MDFIC2: variants seen among roughly 807,000 people sequenced by gnomAD.
MDFIC2 encodes the protein myoD family inhibitor domain-containing protein 2.
At chr3:70,225,686 T>C (rs1701497743) in intron 2 of MDFIC2, among the ~76,000 whole-genome samples, 1 of 152,212 alleles carries the variant, frequency 6.6e-6, no homozygotes, top group Non-Finnish European at 1.5e-5. Flanking sequence ...AGCAGTTTAG[T>C]GTTTCTTGAA....
chr3:70,212,916 C>T (rs187393669), intron 2 of MDFIC2, among the ~76,000 whole-genome samples: 10 of 152,158 alleles, frequency 6.6e-5, no homozygotes, highest in African/African-American at 2.2e-4. Flanking sequence ...ATCTCAGTCT[C>T]CTGAGTAGCA....
chr3:70,216,969 G>A (rs1411372170), intron 2 of MDFIC2, among the ~76,000 whole-genome samples: 1 of 152,140 alleles, frequency 6.6e-6, no homozygotes, highest in Non-Finnish European at 1.5e-5. Flanking sequence ...TGTCAATTGT[G>A]CCAAGATTCA....
rs1179556853 is a variant in MDFIC2, at chr3:70,226,631, G to A, written c.89-19841C>T. ...CGGGTGCCTGTAATCCCAGCTTCTC[G>A]GGAGGCTGAGGCAGGAGAATTGCTT... On this transcript the variant is annotated intron_variant, in intron 2 of 3. Coordinates refer to ENST00000567252, the MANE Select transcript of MDFIC2 (RefSeq NM_001364677.1). Among the ~76,000 whole-genome samples, 4 of 151,664 alleles carry A rather than the reference G, an allele frequency of 2.6e-5. No homozygotes were observed. The East Asian group carries it at 5.8e-4, about 22-fold the overall frequency.
At chr3:70,197,687 G>A (rs1051120964) in intron 3 of MDFIC2, among the ~76,000 whole-genome samples, 4 of 152,282 alleles carry the variant, frequency 2.6e-5, no homozygotes, top group Non-Finnish European at 2.9e-5. Flanking sequence ...CAGTGCAAGC[G>A]AAAAGCACAT....
In MDFIC2 at chr3:70,283,716, G is replaced by A. The variant is rs988790911; in HGVS notation, c.88+28170C>T. ...CTGCATTTCAAAGGGTTTCAAGTTA[G>A]AATCTTGATTTCATACAGAGTAACA... On this transcript the variant is annotated intron_variant, in intron 2 of 3. Coordinates refer to ENST00000567252, the MANE Select transcript of MDFIC2 (RefSeq NM_001364677.1). The A allele has an allele frequency of 4.0e-5, 6 of 150,150 alleles. No individual in the cohort carries two copies. In the East Asian group the frequency reaches 9.9e-4, roughly 25 times the overall value. 9.3% of individuals were successfully genotyped at this position (150,150 alleles called of 1,614,324 possible).
intron 2 of MDFIC2, among the ~76,000 whole-genome samples, chr3:70,277,363 T>C (rs1165767070): frequency 6.6e-6 from 1 of 152,192 alleles, no homozygotes; most frequent in African/African-American, 2.4e-5. Context: ...TTTGACTTTT[T>C]TCCCCCAGCA....
chr3:70,205,465 C>T (rs1282637866), intron 3 of MDFIC2: 1 of 152,106 alleles, frequency 6.6e-6, no homozygotes, highest in African/African-American at 2.4e-5. Flanking sequence ...TAGAAATCTT[C>T]CTTACTTTCT....
chr3:70,273,936 A>G (rs1251494442), intron 2 of MDFIC2, among the ~76,000 whole-genome samples: 1 of 152,120 alleles, frequency 6.6e-6, no homozygotes, highest in Non-Finnish European at 1.5e-5. Flanking sequence ...CAGAGCAGCC[A>G]CAGGCACACA....
intron 2 of MDFIC2, among the ~76,000 whole-genome samples, chr3:70,304,013 G>A (rs528023874): frequency 1.3e-5 from 2 of 152,208 alleles, no homozygotes; most frequent in South Asian, 2.1e-4. Context: ...AAATGTAGTA[G>A]GATAGAGTTT....
intron 2 of MDFIC2, among the ~76,000 whole-genome samples, chr3:70,219,864 TAC>T (rs1701446783): frequency 6.6e-6 from 1 of 152,152 alleles, no homozygotes; most frequent in Non-Finnish European, 1.5e-5. Context: ...ACCTAAGAGA[TAC>T]AGTTTCCTGG....
At chr3:70,311,503 A>G (rs1300747620) in intron 2 of MDFIC2, among the ~76,000 whole-genome samples, 3 of 152,184 alleles carry the variant, frequency 2.0e-5, no homozygotes, top group Non-Finnish European at 4.4e-5. Flanking sequence ...TCCTATAGCA[A>G]GCATTCCTTT....
At chr3:70,207,033 CTTT>C (rs11317960) in intron 2 of MDFIC2, among the ~76,000 whole-genome samples, 64 of 139,634 alleles carry the variant, frequency 4.6e-4, no homozygotes, top group African/African-American at 1.2e-3. Context: ...CTTATTTCTA[CTTT>C]TTTTTTTTTT....
rs73838079 is a variant in MDFIC2 at position 70,212,658 on chromosome 3, C to T, written c.89-5868G>A. Among the ~76,000 whole-genome samples, 499 of 152,194 alleles carry T rather than the reference C, an allele frequency of 3.3e-3. 6 individuals carry two copies. The highest frequency in any genetic ancestry group is 0.012 in the African/African-American group (480 of 41,548). On this transcript the variant is annotated intron_variant, in intron 2 of 3. Transcript: ENST00000567252. ...ACAACTCTCTTCAAGATATCTTATG[C>T]ATTATAATCAAAATTATACTTTGGA...
At chr3:70,227,663 T>G (rs1385383375) in intron 2 of MDFIC2, among the ~76,000 whole-genome samples, 3 of 152,228 alleles carry the variant, frequency 2.0e-5, no homozygotes, top group Middle Eastern at 3.2e-3. Context: ...ATAATACTAC[T>G]TAACAATTTC....
At chr3:70,241,731 G>A (rs925062756) in intron 2 of MDFIC2, among the ~76,000 whole-genome samples, 3 of 152,092 alleles carry the variant, frequency 2.0e-5, no homozygotes, top group Non-Finnish European at 4.4e-5. Context: ...CTACTAAGGC[G>A]TCTAATGTCT....
At chr3:70,280,196 TCTC>T (rs1353996900) in intron 2 of MDFIC2, among the ~76,000 whole-genome samples, 1 of 152,136 alleles carries the variant, frequency 6.6e-6, no homozygotes, top group African/African-American at 2.4e-5. Flanking sequence ...TGTATCATCA[TCTC>T]CTCTTCTGTG....
intron 2 of MDFIC2, among the ~76,000 whole-genome samples, chr3:70,242,004 GTTC>G (rs1463454208): frequency 6.6e-6 from 1 of 152,150 alleles, no homozygotes; most frequent in Non-Finnish European, 1.5e-5. Flanking sequence ...CACCAACACA[GTTC>G]TTCTGTGTGC....
chr3:70,245,285 A>T (rs1701695997), intron 2 of MDFIC2, among the ~76,000 whole-genome samples: 1 of 152,120 alleles, frequency 6.6e-6, no homozygotes. Context: ...TTTTGGTGAT[A>T]TAAAATTACT....
rs1031647417 is a variant in MDFIC2, at chr3:70,196,566, A to C, written c.*360T>G. 4.6e-5 allele frequency among the ~76,000 whole-genome samples: 7 copies of C among 152,186 alleles called. 1 individual carries two copies. The highest frequency in any genetic ancestry group is 4.6e-4 in the Admixed American group (7 of 15,278). ...AAAAGAATGCACTAATTTGTCCTGA[A>C]TTTGTGAATGAGGTTGAATCCATAA... is the stretch of plus-strand genomic sequence containing the variant. On this transcript the variant is annotated 3_prime_UTR_variant, in exon 4 of 4. Transcript: ENST00000567252.
Sources: gnomAD v4.1 joint callset for allele counts (sites outside exome capture counted in the v4.1 genomes callset) on GRCh38, gnomAD v4.1.1 for gene constraint, MANE v1.5 for transcripts, NCBI Gene and HGNC (gene_info 2026-07-23, HGNC 2026-07-21) for gene names.